The following ST6GAL2 variants were observed in gnomAD, a reference collection of about 807,000 sequenced individuals.
ST6GAL2 encodes ST6 beta-galactoside alpha-2,6-sialyltransferase 2, also known as beta-galactoside alpha-2,6-sialyltransferase 2.
A neutral mutation model predicts 37.5 loss-of-function variants in ST6GAL2; 24 were observed. The observed-to-expected ratio is 0.64, with a 90% CI of 0.46 to 0.90. ST6GAL2 has a LOEUF of 0.90. ST6GAL2 is among the 40% of genes least tolerant of loss of function. The pLI, the probability that ST6GAL2 is intolerant of heterozygous loss-of-function variation, is 0.00. For missense variants in ST6GAL2, 715 were observed against 712.7 expected, an observed-to-expected ratio of 1.00 and a Z score of -0.04; for synonymous variants, 306 against 295.1, an observed-to-expected ratio of 1.04 and a Z score of -0.38.
At chr2:106,821,415 A>G (rs1675999449) in intron 5 of ST6GAL2, among the ~76,000 whole-genome samples, 1 of 151,064 alleles carries the variant, frequency 6.6e-6, no homozygotes, top group Admixed American at 6.6e-5. Context: ...AAATTGGAAA[A>G]CCTAGAAAAA....
In ST6GAL2 at chr2:106,801,616, A is replaced by C. The variant is rs1226340538; in HGVS notation, c.*5062T>G. On this transcript the variant is annotated 3_prime_UTR_variant, in exon 6 of 6. Coordinates refer to ENST00000409382, the MANE Select transcript of ST6GAL2 (RefSeq NM_001142351.2). Reference sequence around the variant, plus strand: ...ACAAGAAACTTCTAGACAAATGAAAACATGTTTTATTTACAAGAAAAAAGT... The same window carrying C: ...ACAAGAAACTTCTAGACAAATGAAACCATGTTTTATTTACAAGAAAAAAGT... 6.6e-6 allele frequency: 1 copy of C among 152,262 alleles called. No individual in the cohort carries two copies. Among genetic ancestry groups the C allele is most frequent in the African/African-American group, 2.4e-5 (1 of 41,462 alleles). The allele number at this position is 152,262 out of a possible 1,614,324, so 9.4% of individuals were successfully genotyped here.
chr2:106,807,680 G>A (rs534025241), intron 5 of ST6GAL2, among the ~76,000 whole-genome samples: 1 of 145,956 alleles, frequency 6.9e-6, no homozygotes, highest in South Asian at 2.2e-4. Context: ...TCAAGCTGGA[G>A]TGCAGTGGCG....
chr2:106,817,130 C>G (rs917751119), intron 5 of ST6GAL2, among the ~76,000 whole-genome samples: 1 of 152,224 alleles, frequency 6.6e-6, no homozygotes, highest in East Asian at 1.9e-4. Context: ...TAAACATCAA[C>G]GGCAGTCTAG....
chr2:106,863,282 G>T (rs1383506763), intron 1 of ST6GAL2, among the ~76,000 whole-genome samples: 1 of 152,154 alleles, frequency 6.6e-6, no homozygotes, highest in African/African-American at 2.4e-5. Context: ...ACAACCTACA[G>T]AAATCTATTC....
intron 5 of ST6GAL2, among the ~76,000 whole-genome samples, chr2:106,815,333 T>C (rs576072433): frequency 1.3e-5 from 2 of 152,352 alleles, no homozygotes; most frequent in Admixed American, 6.5e-5. Context: ...AGTCACTTAC[T>C]GCACATAATT....
upstream of ST6GAL2, chr2:106,886,279 G>T (rs758461050): frequency 6.6e-6 from 1 of 152,166 alleles, no homozygotes; most frequent in South Asian, 2.1e-4. Context: ...CCTGGCCGGG[G>T]TCCCCGACTC....
At position 106,843,198 on chromosome 2, in the gene ST6GAL2, G is replaced by T; in HGVS notation, c.780C>A (p.Arg260=). The part of the protein sequence containing the change: ...QLLCQLRSRA[R]VRTLDGTEAP... ...CCTCGGTGCCGTCCAGCGTCCGCAC[G>T]CGCGCGCGGCTCCGCAGCTGGCACA... The change falls in exon 2 of 6, where the codon CGC becomes CGA. Residue 260 remains arginine, a synonymous_variant. Transcript: ENST00000409382. 1 of 1,548,692 alleles carries T rather than the reference G, an allele frequency of 6.5e-7. No homozygotes were observed. The highest frequency in any genetic ancestry group is 8.7e-7 in the Non-Finnish European group (1 of 1,147,260).
intron 4 of ST6GAL2, among the ~76,000 whole-genome samples, 199 bp downstream of exon 4, chr2:106,832,366 C>T (rs896501769): frequency 1.3e-5 from 2 of 152,262 alleles, no homozygotes; most frequent in African/African-American, 4.8e-5. Flanking sequence ...CACAAAAGCA[C>T]TTTGGCATTA....
intron 1 of ST6GAL2, among the ~76,000 whole-genome samples, chr2:106,856,626 C>A (rs1011666516): frequency 3.9e-5 from 6 of 152,150 alleles, no homozygotes; most frequent in Admixed American, 6.5e-5. Flanking sequence ...GATTGAGGAG[C>A]TATGATCAAG....
intron 5 of ST6GAL2, among the ~76,000 whole-genome samples, chr2:106,825,719 T>C (rs1293116064): frequency 2.0e-5 from 3 of 152,240 alleles, no homozygotes; most frequent in Non-Finnish European, 4.4e-5. Context: ...CCTTTTCTTT[T>C]CCTTCGTTGG....
chr2:106,860,632 T>A (rs1012505131), intron 1 of ST6GAL2, among the ~76,000 whole-genome samples: 3 of 152,174 alleles, frequency 2.0e-5, no homozygotes, highest in African/African-American at 7.2e-5. Context: ...AACCACTTGT[T>A]ACTGACTCCA....
At chr2:106,840,396 G>C (rs1287923929) in intron 2 of ST6GAL2, among the ~76,000 whole-genome samples, 1 of 152,170 alleles carries the variant, frequency 6.6e-6, no homozygotes, top group Non-Finnish European at 1.5e-5. Context: ...GAAGGAGCGA[G>C]GTCGGCACCT....
At chr2:106,811,138 G>T (rs1008762409) in intron 5 of ST6GAL2, among the ~76,000 whole-genome samples, 3 of 151,676 alleles carry the variant, frequency 2.0e-5, no homozygotes, top group Non-Finnish European at 2.9e-5. Flanking sequence ...TAAGGCTGTT[G>T]TTATACATAA....
At chr2:106,851,528 G>A (rs1677357967) in intron 1 of ST6GAL2, among the ~76,000 whole-genome samples, 1 of 152,190 alleles carries the variant, frequency 6.6e-6, no homozygotes, top group African/African-American at 2.4e-5. Context: ...TGCAGCTTAA[G>A]GTTAATGCAG....
Position 106,843,979 on chromosome 2 carries a change from G to T in ST6GAL2, c.-2C>A, listed in dbSNP as rs770550805. ...CCATTGCTTCAAGTGTGGTTTCATG[G>T]CAGGTCTCTGCGGTCAGCACCTTGT... On this transcript the variant is annotated 5_prime_UTR_variant, in exon 2 of 6. Coordinates refer to ENST00000409382, the MANE Select transcript of ST6GAL2 (RefSeq NM_001142351.2). 49 of 1,565,908 alleles carry T rather than the reference G, an allele frequency of 3.1e-5. 1 individual carries two copies. In the South Asian group the frequency reaches 5.4e-4, roughly 17 times the overall value.
At chr2:106,847,899 T>C (rs1677205380) in intron 1 of ST6GAL2, among the ~76,000 whole-genome samples, 2 of 152,182 alleles carry the variant, frequency 1.3e-5, no homozygotes, top group African/African-American at 4.8e-5. Context: ...TCTAGAGTTG[T>C]TATTAGGGTT....
intron 1 of ST6GAL2, among the ~76,000 whole-genome samples, chr2:106,846,842 G>C (rs1677165561): frequency 6.6e-6 from 1 of 152,196 alleles, no homozygotes; most frequent in Non-Finnish European, 1.5e-5. Flanking sequence ...GTTAGCACTT[G>C]TTCTGGATTA....
intron 5 of ST6GAL2, among the ~76,000 whole-genome samples, chr2:106,811,986 G>A (rs1025870947): frequency 2.0e-5 from 3 of 152,140 alleles, no homozygotes; most frequent in Non-Finnish European, 2.9e-5. Context: ...CCCCAGCAAT[G>A]AGTTGTGACC....
chr2:106,866,109 T>C (rs2104598354), intron 1 of ST6GAL2, among the ~76,000 whole-genome samples: 1 of 152,334 alleles, frequency 6.6e-6, no homozygotes, highest in African/African-American at 2.4e-5. Context: ...ATGGCTTCAT[T>C]TAAACAGAAG....
Sources: allele counts gnomAD v4.1 joint callset (sites outside exome capture counted in the v4.1 genomes callset), GRCh38; gene constraint gnomAD v4.1.1; transcripts MANE v1.5; gene names NCBI Gene and HGNC (gene_info 2026-07-23, HGNC 2026-07-21).